The following PLCG2 variants were observed in gnomAD, a reference collection of about 807,000 sequenced individuals.
PLCG2 encodes the protein 1-phosphatidylinositol 4,5-bisphosphate phosphodiesterase gamma-2.
PLCG2 carries 69 observed loss-of-function variants against 175.6 expected under a neutral mutation model. The observed-to-expected ratio is 0.39, with a 90% CI of 0.32 to 0.48. The LOEUF (loss-of-function observed/expected upper bound fraction) is 0.48, where lower values mean the gene tolerates loss of function less well. PLCG2 is among the 20% of genes least tolerant of loss of function. The pLI, the probability that PLCG2 is intolerant of heterozygous loss-of-function variation, is 0.91. For synonymous variants in PLCG2, 827 were observed against 624.0 expected (o/e 1.33, Z -4.85); for missense variants, 1,798 against 1,650.9 (o/e 1.09, Z -1.54).
chr16:81,845,194 A>G (rs1266830191), intron 2 of PLCG2, among the ~76,000 whole-genome samples: 35 of 151,318 alleles, frequency 2.3e-4, no homozygotes, highest in Admixed American at 2.3e-3. Context: ...TCCTACTTCA[A>G]CCTCCCAAAG....
At chr16:81,820,137 A>G (rs534748980) in intron 2 of PLCG2, among the ~76,000 whole-genome samples, 47 of 152,360 alleles carry the variant, frequency 3.1e-4, no homozygotes, top group Middle Eastern at 6.8e-3. Flanking sequence ...ACTTTTTAAA[A>G]TGAACTTTAT....
At chr16:81,864,251 G>T (rs898169879) in intron 5 of PLCG2, among the ~76,000 whole-genome samples, 1 of 152,210 alleles carries the variant, frequency 6.6e-6, no homozygotes, top group African/African-American at 2.4e-5. Context: ...GATGCTGCTG[G>T]TCTGGGAGCT....
At chr16:81,787,971 A>C (rs1911058658) in intron 2 of PLCG2, among the ~76,000 whole-genome samples, 1 of 152,166 alleles carries the variant, frequency 6.6e-6, no homozygotes, top group Non-Finnish European at 1.5e-5. Context: ...TCATCTGTTG[A>C]CGGACCCTTG....
intron 2 of PLCG2, among the ~76,000 whole-genome samples, chr16:81,762,726 C>G (rs1910067068): frequency 6.6e-6 from 1 of 152,166 alleles, no homozygotes; most frequent in Non-Finnish European, 1.5e-5. Flanking sequence ...GAATACACCA[C>G]TGCAATATCC....
chr16:81,745,006 TTAAAAA>T lies in PLCG2; in HGVS notation c.-145+5625_-145+5630del, dbSNP rs1398758328. ...CTCATCTTAACTCCAACCCTGGACT[TTAAAAA>T]TAATGTTATGCAGTGGAACCTTTTT... is the stretch of plus-strand genomic sequence containing the variant. On this transcript the variant is annotated intron_variant, in intron 1 of 5. Transcript: ENST00000565054. 3.3e-5 allele frequency among the ~76,000 whole-genome samples: 5 copies of T among 152,290 alleles called. No homozygotes were observed. In the South Asian group the frequency reaches 1.0e-3, roughly 32 times the overall value.
chr16:81,939,962 C>G lies in PLCG2; in HGVS notation c.3384C>G (p.Asn1128Lys). 1.2e-6 allele frequency: 2 copies of G among 1,613,876 alleles called. No homozygotes were observed. Among genetic ancestry groups the G allele is most frequent in the South Asian group, 1.1e-5 (1 of 91,070 alleles). ...TGACATTTGAAATTTATGACCCAAA[C>G]CTGGCATTTCTGCGCTTTGTGGTTT... ...EKVTFEIYDP[N>K]LAFLRFVVYE... Residue 1128 changes from asparagine to lysine, a missense_variant, in exon 30 of 33, where the codon AAC (asparagine) becomes AAG (lysine). Coordinates refer to ENST00000564138, the MANE Select transcript of PLCG2 (RefSeq NM_002661.5).
At chr16:81,895,586 C>T in intron 12 of PLCG2, 1 of 466,026 alleles carries the variant, frequency 2.1e-6, no homozygotes, top group African/African-American at 2.0e-5. Flanking sequence ...AAAAAAAAAG[C>T]AGCATTGAAA....
intron 9 of PLCG2, among the ~76,000 whole-genome samples, chr16:81,885,947 G>T (rs1035459329): frequency 2.6e-5 from 4 of 152,234 alleles, no homozygotes; most frequent in Admixed American, 2.0e-4. Flanking sequence ...GAGGGAGGAA[G>T]TAAAATGAAG....
At chr16:81,781,383 G>GC (rs111332042) in intron 1 of PLCG2, among the ~76,000 whole-genome samples, 52,301 of 150,954 alleles carry the variant, frequency 0.35, 9,321 homozygotes, top group East Asian at 0.53. Flanking sequence ...TATCCAGGAG[G>GC]CCCCCCACAT....
chr16:81,952,067 T>C (rs1036677054), intron 31 of PLCG2, among the ~76,000 whole-genome samples: 3 of 152,066 alleles, frequency 2.0e-5, no homozygotes, highest in African/African-American at 4.8e-5. Context: ...GACATCCCAT[T>C]TGTGATACTG....
intron 1 of PLCG2, among the ~76,000 whole-genome samples, chr16:81,742,566 G>T (rs1909618800): frequency 6.6e-6 from 1 of 152,216 alleles, no homozygotes; most frequent in African/African-American, 2.4e-5. Flanking sequence ...CCTGAGAAAT[G>T]ACTCCATCAA....
At chr16:81,933,139 T>C (rs970743052) in intron 25 of PLCG2, among the ~76,000 whole-genome samples, 1 of 152,254 alleles carries the variant, frequency 6.6e-6, no homozygotes, top group Non-Finnish European at 1.5e-5. Flanking sequence ...AGGTTGCTGT[T>C]GGCGGCCTTT....
chr16:81,859,053 T>C (rs1906829393), intron 4 of PLCG2, 63 bp from the exon 5 acceptor site: 3 of 1,024,294 alleles, frequency 2.9e-6, no homozygotes, highest in South Asian at 2.5e-5. Flanking sequence ...AGGACTCACT[T>C]AGACTTGTGC....
At chr16:81,782,079 T>A (rs1910761250) in intron 1 of PLCG2, among the ~76,000 whole-genome samples, 1 of 152,080 alleles carries the variant, frequency 6.6e-6, no homozygotes, top group Non-Finnish European at 1.5e-5. Context: ...GGTTTCATCG[T>A]GTTAGCCAGG....
Position 81,919,685 on chromosome 16 carries a change from T to C in PLCG2, c.2235+21T>C, listed in dbSNP as rs755887372. 27 of 1,598,186 alleles carry C rather than the reference T, an allele frequency of 1.7e-5. No individual in the cohort carries two copies. The South Asian group carries it at 2.6e-4, about 16-fold the overall frequency. ...ATATGGTAGGTGGTGGACTCCCTTG[T>C]GATTTGGTGGGATTTCTTGTCTGAG... On this transcript the variant is annotated intron_variant, in intron 20 of 32. Coordinates refer to ENST00000564138, the MANE Select transcript of PLCG2 (RefSeq NM_002661.5).
intron 2 of PLCG2, among the ~76,000 whole-genome samples, chr16:81,831,738 A>T (rs957821741): frequency 6.6e-5 from 10 of 152,166 alleles, no homozygotes; most frequent in Non-Finnish European, 1.3e-4. Flanking sequence ...TGGGGACCCC[A>T]GGAGGCTCCC....
At chr16:81,801,784 G>A (rs1597326232) in intron 2 of PLCG2, among the ~76,000 whole-genome samples, 3 of 151,264 alleles carry the variant, frequency 2.0e-5, no homozygotes. Context: ...GGGTTCAAGC[G>A]ATTCTCTTGC....
intron 2 of PLCG2, among the ~76,000 whole-genome samples, chr16:81,825,535 T>G (rs1468795358): frequency 2.0e-5 from 3 of 152,166 alleles, no homozygotes; most frequent in African/African-American, 7.2e-5. Flanking sequence ...CCTCAGGTGT[T>G]CCACCTGCCT....
chr16:81,861,059 A>G (rs1906955840), intron 5 of PLCG2, among the ~76,000 whole-genome samples: 1 of 152,052 alleles, frequency 6.6e-6, no homozygotes, highest in Non-Finnish European at 1.5e-5. Flanking sequence ...ACCAAAACCA[A>G]AACCAAAACC....
Sources: gnomAD v4.1 joint callset for allele counts (sites outside exome capture counted in the v4.1 genomes callset) on GRCh38, gnomAD v4.1.1 for gene constraint, MANE v1.5 for transcripts, NCBI Gene and HGNC (gene_info 2026-07-23, HGNC 2026-07-21) for gene names.